The following CACNA1C variants were observed in gnomAD, a reference collection of about 807,000 sequenced individuals.
The protein encoded by CACNA1C is calcium voltage-gated channel subunit alpha1 C.
In CACNA1C, 30 loss-of-function variants were observed where a neutral mutation model predicts 229.0. The ratio of observed to expected loss-of-function variants is 0.13; its 90% CI spans 0.10 to 0.18. The LOEUF is 0.18. CACNA1C is among the 10% of genes least tolerant of loss of function. The pLI is 1.00. For synonymous variants in CACNA1C, 1,114 were observed against 1,132.5 expected, an observed-to-expected ratio of 0.98 and a Z score of 0.33; for missense variants, 1,658 against 2,845.0, an observed-to-expected ratio of 0.58 and a Z score of 9.49.
At position 2,061,945 on chromosome 12, in the gene CACNA1C, C is replaced by T. The variant is rs554693049; in HGVS notation, c.49+8334C>T. Among the ~76,000 whole-genome samples the T allele has an allele frequency of 5.3e-5, 8 of 152,330 alleles. No individual in the cohort carries two copies. In the East Asian group the frequency reaches 1.2e-3, roughly 22 times the overall value. On this transcript the variant is annotated intron_variant, in intron 1 of 46. Coordinates refer to ENST00000399655, the MANE Select transcript of CACNA1C (RefSeq NM_000719.7). ...AGATAGAGGGGACAGTTCTGTGTAG[C>T]TCCCTAAGACACTGATCAAAATAGG...
At chr12:2,203,777 G>C (rs571640202) in intron 3 of CACNA1C, among the ~76,000 whole-genome samples, 2 of 152,284 alleles carry the variant, frequency 1.3e-5, no homozygotes, top group African/African-American at 4.8e-5. Flanking sequence ...ACTTGGTCCT[G>C]GGTTGCATGC....
chr12:2,567,356 T>C (rs1391071367), intron 12 of CACNA1C, among the ~76,000 whole-genome samples: 2 of 152,224 alleles, frequency 1.3e-5, no homozygotes, highest in Non-Finnish European at 2.9e-5. Context: ...CTATGGTGCA[T>C]GGGAGATGCT....
At chr12:2,384,581 G>T (rs1236624756) in intron 3 of CACNA1C, among the ~76,000 whole-genome samples, 1 of 152,118 alleles carries the variant, frequency 6.6e-6, no homozygotes, top group Non-Finnish European at 1.5e-5. Context: ...TTGTGTACAT[G>T]CCCTATTTTT....
At chr12:2,366,804 C>T (rs1311240817) in intron 3 of CACNA1C, among the ~76,000 whole-genome samples, 1 of 152,100 alleles carries the variant, frequency 6.6e-6, no homozygotes, top group Non-Finnish European at 1.5e-5. Context: ...GGAAGCATGG[C>T]CTGGAAGCCT....
At chr12:2,039,040 G>A (rs1400404213) in intron 1 of CACNA1C, among the ~76,000 whole-genome samples, 1 of 152,210 alleles carries the variant, frequency 6.6e-6, no homozygotes, top group African/African-American at 2.4e-5. Flanking sequence ...ATGTCCATAG[G>A]TAGGAAATTG....
chr12:2,022,247 A>G lies in CACNA1C; in HGVS notation c.139+51046A>G, dbSNP rs1379458341. Among the ~76,000 whole-genome samples the G allele has an allele frequency of 2.0e-5, 3 of 152,188 alleles. No homozygotes were observed. The East Asian group carries it at 5.8e-4, about 29-fold the overall frequency. ...TCCAGGATTGGATCCTGCTGTGCACACTGAGCTGCCAGGACAGGCTCTGGC... is the reference window on the plus strand; with the variant it reads ...TCCAGGATTGGATCCTGCTGTGCACGCTGAGCTGCCAGGACAGGCTCTGGC... On this transcript the variant is annotated intron_variant, in intron 1 of 46. Coordinates refer to the CACNA1C transcript ENST00000682462.
At position 2,669,215 on chromosome 12, in the gene CACNA1C, T is replaced by C. The variant is rs372145125; in HGVS notation, c.4726+180T>C. On this transcript the variant is annotated intron_variant, in intron 38 of 46. Coordinates refer to ENST00000399655, the MANE Select transcript of CACNA1C (RefSeq NM_000719.7). The stretch of plus-strand genomic sequence containing the variant: ...AGGGCCCCAGCCTGCTCATGACTTC[T>C]TTGCTCCTGAATGGTCTCCCTGCCT... Among the ~76,000 whole-genome samples, 41 of 152,286 alleles carry C rather than the reference T, an allele frequency of 2.7e-4. 1 individual carries two copies. In the East Asian group the frequency reaches 5.4e-3, roughly 20 times the overall value.
At chr12:2,307,253 A>G (rs1370607275) in intron 3 of CACNA1C, among the ~76,000 whole-genome samples, 1 of 152,140 alleles carries the variant, frequency 6.6e-6, no homozygotes, top group Non-Finnish European at 1.5e-5. Context: ...CTTCACTTTC[A>G]TCTGCTTTCT....
At chr12:2,318,536 C>A (rs1252079653) in intron 3 of CACNA1C, among the ~76,000 whole-genome samples, 2 of 152,258 alleles carry the variant, frequency 1.3e-5, no homozygotes. Context: ...ACGCCCTGTG[C>A]TACGCTTCTG....
chr12:2,140,773 A>T (rs2094093543), intron 3 of CACNA1C, among the ~76,000 whole-genome samples: 1 of 151,366 alleles, frequency 6.6e-6, no homozygotes, highest in Non-Finnish European at 1.5e-5. Context: ...GAAAAGCAAG[A>T]TGTGCGGAAA....
rs549341412 is a variant in CACNA1C, at chr12:2,493,089, C to G, written c.917-101C>G. On this transcript the variant is annotated intron_variant, in intron 6 of 46. Coordinates refer to ENST00000399655, the MANE Select transcript of CACNA1C (RefSeq NM_000719.7). The surrounding 1 kb of genome is among the most constrained non-coding windows in gnomAD (Gnocchi z 4.6). ...TGTTGCCATGGTTGCTTTGCCCATCCCATCAACCTCATCCTGTCACTTTTC... is the reference window on the plus strand; with the variant it reads ...TGTTGCCATGGTTGCTTTGCCCATCGCATCAACCTCATCCTGTCACTTTTC... 797 of 954,372 alleles carry G rather than the reference C, an allele frequency of 8.4e-4. 1 individual carries two copies. The highest frequency in any genetic ancestry group is 1.1e-3 in the Non-Finnish European group (677 of 613,622). 59.1% of individuals were successfully genotyped at this position (954,372 alleles called of 1,614,324 possible).
chr12:2,560,074 T>G (rs531532253), intron 11 of CACNA1C, among the ~76,000 whole-genome samples: 26 of 152,302 alleles, frequency 1.7e-4, no homozygotes, highest in African/African-American at 6.3e-4. Context: ...TGACCATGTT[T>G]CCCATGCACG....
intron 3 of CACNA1C, among the ~76,000 whole-genome samples, chr12:2,324,576 G>A (rs1164564066): frequency 6.6e-6 from 1 of 152,268 alleles, no homozygotes; most frequent in Non-Finnish European, 1.5e-5. Flanking sequence ...TCCCTGAGCT[G>A]CACCTGCTGG....
intron 11 of CACNA1C, among the ~76,000 whole-genome samples, chr12:2,557,566 A>G (rs773985958): frequency 6.6e-6 from 1 of 152,222 alleles, no homozygotes; most frequent in Non-Finnish European, 1.5e-5. Context: ...AGGCCCCTGC[A>G]TGGAGCCAAT....
intron 19 of CACNA1C, among the ~76,000 whole-genome samples, chr12:2,593,831 AT>A (rs1221978634): frequency 6.6e-6 from 1 of 152,048 alleles, no homozygotes; most frequent in African/African-American, 2.4e-5. Flanking sequence ...TTTGTTCACC[AT>A]TTTTTTACTC....
intron 8 of CACNA1C, among the ~76,000 whole-genome samples, chr12:2,509,398 G>A (rs1022826377): frequency 1.3e-5 from 2 of 152,200 alleles, no homozygotes; most frequent in Non-Finnish European, 2.9e-5. Flanking sequence ...CAAACATGAA[G>A]TAGTGGACAC....
At chr12:2,107,471 G>A (rs2154120353) in intron 1 of CACNA1C, among the ~76,000 whole-genome samples, 1 of 129,496 alleles carries the variant, frequency 7.7e-6, no homozygotes, top group African/African-American at 2.9e-5. Flanking sequence ...GCCCACCCCG[G>A]GGAGGGTTTC....
intron 3 of CACNA1C, among the ~76,000 whole-genome samples, chr12:2,404,209 T>G (rs760433146): frequency 5.3e-5 from 8 of 152,182 alleles, no homozygotes; most frequent in Non-Finnish European, 8.8e-5. Flanking sequence ...TCGAGCCGTG[T>G]CCTTAGCTCT....
intron 1 of CACNA1C, among the ~76,000 whole-genome samples, chr12:2,001,052 A>G (rs77325964): frequency 3.3e-5 from 5 of 151,772 alleles, no homozygotes; most frequent in South Asian, 2.1e-4. Context: ...AAAAAAAAAA[A>G]AGAGAGATAA....
Sources: gnomAD v4.1 joint callset for allele counts (sites outside exome capture counted in the v4.1 genomes callset) on GRCh38, gnomAD v4.1.1 for gene constraint, Gnocchi (gnomAD v3.1) non-coding constraint, MANE v1.5 for transcripts, NCBI Gene and HGNC (gene_info 2026-07-23, HGNC 2026-07-21) for gene names.